The following SNX4 variants were observed in gnomAD, a reference collection of about 807,000 sequenced individuals.
The protein encoded by SNX4 is sorting nexin 4, also known as sorting nexin-4.
SNX4 carries 49 observed loss-of-function variants against 70.8 expected under a neutral mutation model. The ratio of observed to expected loss-of-function variants is 0.69; its 90% confidence interval spans 0.55 to 0.88. The LOEUF (loss-of-function observed/expected upper bound fraction) is 0.88. Ranked by LOEUF, SNX4 falls within the 40% of genes least tolerant of loss-of-function variation. SNX4 has a pLI of 0.00. For synonymous variants in SNX4, 206 were observed against 183.8 expected, an observed-to-expected ratio of 1.12 and a Z score of -0.98; for missense variants, 528 against 544.8, an observed-to-expected ratio of 0.97 and a Z score of 0.31.
At chr3:125,473,733 A>G (rs574904922) in intron 8 of SNX4, among the ~76,000 whole-genome samples, 34 of 152,302 alleles carry the variant, frequency 2.2e-4, no homozygotes, top group Admixed American at 2.0e-3. Context: ...ATTTCTCTAC[A>G]GTATAACTCC....
intron 1 of SNX4, among the ~76,000 whole-genome samples, chr3:125,507,794 GAA>G: frequency 6.6e-6 from 1 of 151,958 alleles, no homozygotes; most frequent in African/African-American, 2.4e-5. Flanking sequence ...AAAAGTGTGG[GAA>G]AAATTAAGAC....
At chr3:125,466,079 G>C (rs1019674478) in intron 9 of SNX4, among the ~76,000 whole-genome samples, 6 of 151,486 alleles carry the variant, frequency 4.0e-5, no homozygotes, top group Non-Finnish European at 1.5e-5. Context: ...TTTCACTGTA[G>C]AGGTCTTTCA....
rs3772212 is a variant in SNX4, at chr3:125,495,769, T to G, written c.597+1572A>C. 3.5e-3 allele frequency among the ~76,000 whole-genome samples: 534 copies of G among 152,320 alleles called. 21 individuals carry two copies. In the East Asian group the frequency reaches 0.086, roughly 24 times the overall value. On this transcript the variant is annotated intron_variant, in intron 5 of 13. Coordinates refer to ENST00000251775, the MANE Select transcript of SNX4 (RefSeq NM_003794.4). ...CAGTAAAGACTTAATGACTAGAATT[T>G]TTAAATTTTTTGTTATATAAAGAGA...
chr3:125,490,514 A>G lies in SNX4; in HGVS notation c.598-1051T>C, dbSNP rs563345410. Among the ~76,000 whole-genome samples, 956 of 129,828 alleles carry G rather than the reference A, an allele frequency of 7.4e-3. 7 individuals are homozygous for G. The highest frequency in any genetic ancestry group is 0.011 in the Non-Finnish European group (712 of 64,138). 85.2% of individuals were successfully genotyped at this position (129,828 alleles called of 152,430 possible). A position where few individuals can be genotyped will look rare whatever the true frequency, so the allele number is the denominator to read the frequency against. On this transcript the variant is annotated intron_variant, in intron 5 of 13. Coordinates refer to ENST00000251775, the MANE Select transcript of SNX4 (RefSeq NM_003794.4). ...ACTCCAGCCTGGGCGACAGAGTGAG[A>G]CTCTGTCTCCAAAAAAAAAAAAAAA...
At chr3:125,506,703 C>T (rs1935049854) in intron 1 of SNX4, among the ~76,000 whole-genome samples, 1 of 151,166 alleles carries the variant, frequency 6.6e-6, no homozygotes, top group Non-Finnish European at 1.5e-5. Flanking sequence ...CCACCTGCCT[C>T]AGCCTTCCAA....
intron 6 of SNX4, among the ~76,000 whole-genome samples, chr3:125,489,197 T>C (rs1934598439): frequency 6.6e-6 from 1 of 152,174 alleles, no homozygotes; most frequent in Non-Finnish European, 1.5e-5. Flanking sequence ...AAAAAAGCAA[T>C]GGTTTAATTT....
intron 13 of SNX4, among the ~76,000 whole-genome samples, chr3:125,448,610 A>G (rs912468423): frequency 4.0e-5 from 6 of 151,212 alleles, no homozygotes; most frequent in Middle Eastern, 3.5e-3. Flanking sequence ...ATGGCCTAAT[A>G]TGCATAAGCA....
intron 12 of SNX4, among the ~76,000 whole-genome samples, chr3:125,451,805 T>C (rs549308837): frequency 5.9e-5 from 9 of 152,102 alleles, no homozygotes; most frequent in Non-Finnish European, 8.8e-5. Flanking sequence ...TTTTGTATTT[T>C]TAGTAGAGAC....
intron 8 of SNX4, among the ~76,000 whole-genome samples, chr3:125,474,565 C>T (rs1370680822): frequency 1.3e-5 from 2 of 152,192 alleles, no homozygotes; most frequent in African/African-American, 4.8e-5. Context: ...ATCCTCCTTC[C>T]TTGGCCTCCC....
intron 5 of SNX4, among the ~76,000 whole-genome samples, 163 bp downstream of exon 5, chr3:125,497,178 A>G (rs6763570): frequency 0.03 from 4,543 of 152,306 alleles, 154 homozygotes; most frequent in African/African-American, 0.064. Context: ...TACACAAATC[A>G]AAAGTGAATT....
At chr3:125,479,786 TTAAGTA>T (rs1374635849) in intron 7 of SNX4, among the ~76,000 whole-genome samples, 1 of 152,292 alleles carries the variant, frequency 6.6e-6, no homozygotes, top group East Asian at 1.9e-4. Flanking sequence ...AACTATATGG[TTAAGTA>T]TAATTATTAT....
intron 5 of SNX4, among the ~76,000 whole-genome samples, chr3:125,491,482 T>C (rs1934658320): frequency 2.0e-5 from 3 of 152,244 alleles, no homozygotes; most frequent in Admixed American, 2.0e-4. Context: ...TTAAAAGTCA[T>C]ATAAATGTAA....
chr3:125,476,893 A>C (rs1217040631), intron 7 of SNX4, 137 bp from the exon 8 acceptor site: 7 of 556,646 alleles, frequency 1.3e-5, no homozygotes, highest in Non-Finnish European at 2.2e-5. Flanking sequence ...ATCTCCAAAA[A>C]TCCCATCCCC....
chr3:125,483,992 T>C (rs993548439), intron 6 of SNX4, among the ~76,000 whole-genome samples: 3 of 152,306 alleles, frequency 2.0e-5, no homozygotes, highest in Non-Finnish European at 4.4e-5. Context: ...ATGTTGCAGT[T>C]TCACTTGAAA....
At chr3:125,486,794 T>C (rs1934543516) in intron 6 of SNX4, among the ~76,000 whole-genome samples, 1 of 152,170 alleles carries the variant, frequency 6.6e-6, no homozygotes, top group Non-Finnish European at 1.5e-5. Flanking sequence ...GGCATCCACA[T>C]GTAGTTCCAG....
In SNX4 at chr3:125,453,800, G is replaced by T. The variant is rs1271985446; in HGVS notation, c.1190+10C>A. On this transcript the variant is annotated intron_variant, in intron 12 of 13. Transcript: ENST00000251775. ...AAGCCTAGCTTACTTAAACATCGCA[G>T]CATCTTTACCTGCCTTCCAGATTTT... The T allele has an allele frequency of 6.2e-7, 1 of 1,612,946 alleles. No individual in the cohort carries two copies. Among genetic ancestry groups the T allele is most frequent in the South Asian group, 1.1e-5 (1 of 90,908 alleles).
intron 7 of SNX4, among the ~76,000 whole-genome samples, chr3:125,479,869 T>C (rs1231602270): frequency 2.6e-5 from 4 of 152,194 alleles, no homozygotes; most frequent in Non-Finnish European, 4.4e-5. Context: ...TGGTAGAATT[T>C]AAGAGCACAG....
At chr3:125,506,555 G>C (rs1195216517) in intron 1 of SNX4, among the ~76,000 whole-genome samples, 1 of 147,704 alleles carries the variant, frequency 6.8e-6, no homozygotes. Flanking sequence ...CGCCAGGTCG[G>C]AGTGCAGTGG....
rs568928579 is a variant in SNX4, at chr3:125,511,193, C to T, written c.142-6449G>A. Among the ~76,000 whole-genome samples the T allele has an allele frequency of 7.2e-5, 11 of 152,330 alleles. No individual in the cohort carries two copies. In the South Asian group the frequency reaches 2.1e-3, roughly 29 times the overall value. ...CCTCCCAAAGTGCTGGGATTATAGG[C>T]ATGAGCCACCGTGCCCAGTTTAACA... On this transcript the variant is annotated intron_variant, in intron 1 of 13. Transcript: ENST00000251775.
Sources: allele counts gnomAD v4.1 joint callset (sites outside exome capture counted in the v4.1 genomes callset), GRCh38; gene constraint gnomAD v4.1.1; transcripts MANE v1.5; gene names NCBI Gene and HGNC (gene_info 2026-07-23, HGNC 2026-07-21).